PHKB: variants seen among roughly 807,000 people sequenced by gnomAD.
PHKB encodes phosphorylase kinase regulatory subunit beta.
A neutral mutation model predicts 152.1 loss-of-function variants in PHKB; 122 were observed. That is an observed-to-expected ratio of 0.80 (90% CI 0.69 to 0.93). The LOEUF (loss-of-function observed/expected upper bound fraction) is 0.93, where lower values mean the gene tolerates loss of function less well. Among genes scored for constraint, PHKB ranks in the 40% least tolerant of loss-of-function variants. PHKB has a pLI of 0.00. For synonymous variants in PHKB, 436 were observed against 464.9 expected (o/e 0.94, Z 0.80); for missense variants, 1,304 against 1,328.4 (o/e 0.98, Z 0.29).
intron 1 of PHKB, among the ~76,000 whole-genome samples, chr16:47,474,912 C>T (rs1373268593): frequency 6.6e-6 from 1 of 151,944 alleles, no homozygotes; most frequent in African/African-American, 2.4e-5. Context: ...TTAATACAGG[C>T]AGGGTTTCAC....
intron 7 of PHKB, among the ~76,000 whole-genome samples, chr16:47,579,281 T>C (rs1172818411): frequency 1.3e-5 from 2 of 152,178 alleles, no homozygotes; most frequent in Admixed American, 6.5e-5. Flanking sequence ...AAACAACTTA[T>C]AGGATGTAGA....
chr16:47,542,359 A>G (rs370565738), intron 6 of PHKB, among the ~76,000 whole-genome samples: 24 of 152,006 alleles, frequency 1.6e-4, no homozygotes, highest in African/African-American at 5.1e-4. Context: ...AGTGGTGTCT[A>G]TCTCTGTTTT....
chr16:47,522,596 C>T (rs572897986), intron 6 of PHKB, among the ~76,000 whole-genome samples: 38 of 144,890 alleles, frequency 2.6e-4, no homozygotes, highest in Admixed American at 2.0e-3. Flanking sequence ...GTTCATTTTT[C>T]TCTTATTTTT....
Position 47,677,770 on chromosome 16 carries a change from A to AT in PHKB, c.2630+8367dup, listed in dbSNP as rs575931158. Among the ~76,000 whole-genome samples, 768 of 143,932 alleles carry AT rather than the reference A, an allele frequency of 5.3e-3. 3 individuals are homozygous for AT. The highest frequency in any genetic ancestry group is 0.014 in the African/African-American group (538 of 39,582). The allele number at this position is 143,932 out of a possible 152,430, so 94.4% of individuals were successfully genotyped here. A position where few individuals can be genotyped will look rare whatever the true frequency, so the allele number is the denominator to read the frequency against. On this transcript the variant is annotated intron_variant, in intron 26 of 30. Transcript: ENST00000323584. The stretch of plus-strand genomic sequence containing the variant: ...TTAGTTAAATGCACAAAATCATCTA[A>AT]TTTTTTTTTTTTTTATACTTTAAGT...
chr16:47,615,089 C>T (rs985382313), intron 14 of PHKB, among the ~76,000 whole-genome samples: 2 of 152,166 alleles, frequency 1.3e-5, no homozygotes, highest in Non-Finnish European at 2.9e-5. Flanking sequence ...GAGAAATTCC[C>T]TGTCAGTTCA....
chr16:47,559,453 A>G (rs1425574684), intron 7 of PHKB, among the ~76,000 whole-genome samples: 1 of 152,182 alleles, frequency 6.6e-6, no homozygotes, highest in Non-Finnish European at 1.5e-5. Context: ...ATTATTATTT[A>G]TTATTAAGAT....
chr16:47,578,249 T>C (rs1472959826), intron 7 of PHKB, among the ~76,000 whole-genome samples: 1 of 152,240 alleles, frequency 6.6e-6, no homozygotes, highest in East Asian at 1.9e-4. Context: ...TGAAGCACTT[T>C]TATCATGGCT....
intron 3 of PHKB, among the ~76,000 whole-genome samples, chr16:47,500,129 C>G (rs1358563362): frequency 6.6e-6 from 1 of 152,116 alleles, no homozygotes; most frequent in Non-Finnish European, 1.5e-5. Flanking sequence ...CCTCTGCCCC[C>G]TGGGTTCAAG....
chr16:47,506,782 A>T (rs577290323), intron 4 of PHKB, among the ~76,000 whole-genome samples: 2 of 152,334 alleles, frequency 1.3e-5, no homozygotes, highest in Admixed American at 1.3e-4. Flanking sequence ...GGCCACACAT[A>T]AAATACACTA....
intron 26 of PHKB, among the ~76,000 whole-genome samples, chr16:47,680,970 T>C (rs966854806): frequency 6.6e-6 from 1 of 152,218 alleles, no homozygotes; most frequent in African/African-American, 2.4e-5. Flanking sequence ...GTATGTTGTG[T>C]CTTTGTTCTC....
intron 1 of PHKB, chr16:47,462,239 A>T (rs1208128180): frequency 6.6e-6 from 1 of 152,272 alleles, no homozygotes; most frequent in Admixed American, 6.5e-5. Flanking sequence ...GTTTTCAGCT[A>T]AGGAGCTTCC....
chr16:47,494,246 T>C (rs1263685669), intron 1 of PHKB, among the ~76,000 whole-genome samples: 1 of 152,114 alleles, frequency 6.6e-6, no homozygotes, highest in African/African-American at 2.4e-5. Context: ...CATTATAGAG[T>C]ATTCAAGCCT....
chr16:47,533,353 G>A (rs1970895545), intron 6 of PHKB, among the ~76,000 whole-genome samples: 2 of 152,178 alleles, frequency 1.3e-5, no homozygotes, highest in Non-Finnish European at 1.5e-5. Context: ...CCAGCCGCCA[G>A]CCTTCAGGCC....
intron 25 of PHKB, chr16:47,666,078 A>G: frequency 1.5e-6 from 2 of 1,363,322 alleles, no homozygotes; most frequent in Admixed American, 1.7e-5. Flanking sequence ...GGTTGCAAAG[A>G]TTTCTGGCTA....
chr16:47,467,826 G>C (rs1969695078), intron 1 of PHKB, among the ~76,000 whole-genome samples: 1 of 152,108 alleles, frequency 6.6e-6, no homozygotes, highest in East Asian at 1.9e-4. Context: ...GATTTTCCTT[G>C]TGCTGTTTTA....
chr16:47,584,727 T>G (rs970447512), intron 8 of PHKB, among the ~76,000 whole-genome samples: 1 of 152,080 alleles, frequency 6.6e-6, no homozygotes, highest in Admixed American at 6.5e-5. Context: ...CTGACCATAG[T>G]TTTGCGGTGT....
chr16:47,599,918 CT>C (rs1972191787), intron 13 of PHKB, among the ~76,000 whole-genome samples: 1 of 152,126 alleles, frequency 6.6e-6, no homozygotes, highest in African/African-American at 2.4e-5. Flanking sequence ...CATCAGACTT[CT>C]ATGGATTTTC....
chr16:47,591,166 C>G (rs1972022424), intron 10 of PHKB, among the ~76,000 whole-genome samples: 1 of 152,096 alleles, frequency 6.6e-6, no homozygotes, highest in Admixed American at 6.6e-5. Flanking sequence ...GTTTCCCCAA[C>G]TTAAATTAGC....
chr16:47,667,800 G>C (rs1973565629), intron 25 of PHKB, among the ~76,000 whole-genome samples: 1 of 151,754 alleles, frequency 6.6e-6, no homozygotes, highest in Admixed American at 6.6e-5. Context: ...GGGAGAAAGG[G>C]TGGGTTAGGG....
Sources: gnomAD v4.1 joint callset for allele counts (sites outside exome capture counted in the v4.1 genomes callset) on GRCh38, gnomAD v4.1.1 for gene constraint, MANE v1.5 for transcripts, NCBI Gene and HGNC (gene_info 2026-07-23, HGNC 2026-07-21) for gene names.